CSMD1: variants seen among roughly 807,000 people sequenced by gnomAD.
CSMD1 encodes CUB and sushi domain-containing protein 1.
Under a neutral mutation model 417.5 loss-of-function variants are expected in CSMD1, and 213 were observed. That is an observed-to-expected ratio of 0.51 (90% CI 0.46 to 0.57). The LOEUF (loss-of-function observed/expected upper bound fraction) is 0.57, where lower values mean the gene tolerates loss of function less well. CSMD1 is among the 20% of genes least tolerant of loss of function. The probability of loss-of-function intolerance (pLI) is 0.00; values close to 1 mark genes in which losing one functional copy is unlikely to be tolerated. For missense variants in CSMD1, 6,923 were observed against 4,529.7 expected (o/e 1.53, Z -15.17); for synonymous variants, 2,862 against 1,736.8 (o/e 1.65, Z -16.11).
At chr8:4,355,705 G>T (rs551220586) in intron 3 of CSMD1, among the ~76,000 whole-genome samples, 1 of 152,172 alleles carries the variant, frequency 6.6e-6, no homozygotes, top group East Asian at 1.9e-4. Flanking sequence ...CCCACTCCAA[G>T]TTAAGGGTCC....
chr8:4,806,331 C>A (rs888217372), intron 1 of CSMD1, among the ~76,000 whole-genome samples: 4 of 152,168 alleles, frequency 2.6e-5, no homozygotes, highest in African/African-American at 9.7e-5. Flanking sequence ...AGATGGGAGG[C>A]TGGCTCTGTC....
chr8:4,546,850 T>C (rs1011089322), intron 2 of CSMD1, among the ~76,000 whole-genome samples: 2 of 152,044 alleles, frequency 1.3e-5, no homozygotes, highest in Admixed American at 1.3e-4. Flanking sequence ...AACATATGCA[T>C]ATATATGTAT....
At chr8:3,410,317 G>A (rs1563358985) in intron 12 of CSMD1, among the ~76,000 whole-genome samples, 1 of 152,242 alleles carries the variant, frequency 6.6e-6, no homozygotes, top group East Asian at 1.9e-4. Context: ...CTAGGTAAGG[G>A]CTTAGTGAAT....
chr8:4,371,245 G>C (rs1802377558), intron 3 of CSMD1, among the ~76,000 whole-genome samples: 1 of 152,168 alleles, frequency 6.6e-6, no homozygotes, highest in South Asian at 2.1e-4. Flanking sequence ...ATTAGGACCA[G>C]GTCAGCAGTT....
chr8:4,979,997 A>G (rs560857417), intron 1 of CSMD1, among the ~76,000 whole-genome samples: 3 of 152,236 alleles, frequency 2.0e-5, no homozygotes, highest in Non-Finnish European at 4.4e-5. Flanking sequence ...AAGATAGTGC[A>G]CTGCACTCCA....
intron 2 of CSMD1, among the ~76,000 whole-genome samples, chr8:4,473,695 T>C (rs1800652459): frequency 6.6e-6 from 1 of 152,180 alleles, no homozygotes; most frequent in Non-Finnish European, 1.5e-5. Flanking sequence ...CAAAATTAAA[T>C]GATGTAAGGT....
chr8:4,459,597 A>T (rs1437871776), intron 2 of CSMD1, among the ~76,000 whole-genome samples: 1 of 152,188 alleles, frequency 6.6e-6, no homozygotes, highest in Non-Finnish European at 1.5e-5. Flanking sequence ...CTAAGATAAT[A>T]AGAGACAGAG....
intron 3 of CSMD1, among the ~76,000 whole-genome samples, chr8:4,151,985 G>A (rs1280634211): frequency 2.0e-5 from 3 of 152,010 alleles, no homozygotes; most frequent in African/African-American, 4.8e-5. Context: ...TCCTGCTTGT[G>A]GTTTGCTAGG....
intron 3 of CSMD1, among the ~76,000 whole-genome samples, chr8:4,061,666 G>C (rs538423476): frequency 1.1e-4 from 17 of 152,248 alleles, no homozygotes; most frequent in Admixed American, 7.2e-4. Flanking sequence ...AGACTGTTTC[G>C]TGATGGTGTG....
intron 5 of CSMD1, among the ~76,000 whole-genome samples, chr8:3,875,537 G>T (rs1243380189): frequency 1.3e-5 from 2 of 152,136 alleles, no homozygotes; most frequent in African/African-American, 2.4e-5. Flanking sequence ...CGGCATGGAA[G>T]AAGGAAAGCA....
intron 22 of CSMD1, among the ~76,000 whole-genome samples, chr8:3,345,282 T>C (rs573275194): frequency 2.4e-4 from 36 of 152,214 alleles, no homozygotes; most frequent in African/African-American, 7.2e-4. Flanking sequence ...GGCTTCATGG[T>C]TACAACCACT....
chr8:4,012,832 C>T (rs926616749), intron 4 of CSMD1, among the ~76,000 whole-genome samples: 5 of 152,124 alleles, frequency 3.3e-5, no homozygotes, highest in African/African-American at 4.8e-5. Context: ...TCCAGTGTTG[C>T]ACGAGAAGAC....
At chr8:3,470,716 C>G (rs1485760904) in intron 11 of CSMD1, among the ~76,000 whole-genome samples, 4 of 152,116 alleles carry the variant, frequency 2.6e-5, no homozygotes, top group Non-Finnish European at 5.9e-5. Flanking sequence ...CTGGCAACCA[C>G]TAATCAGTAT....
At chr8:4,402,737 A>C (rs1563136530) in intron 3 of CSMD1, among the ~76,000 whole-genome samples, 1 of 150,782 alleles carries the variant, frequency 6.6e-6, no homozygotes, top group Non-Finnish European at 1.5e-5. Flanking sequence ...ACCTCATTCA[A>C]CTACCTCTTT....
At chr8:3,845,062 T>A (rs947197402) in intron 5 of CSMD1, among the ~76,000 whole-genome samples, 2 of 152,200 alleles carry the variant, frequency 1.3e-5, no homozygotes, top group Admixed American at 1.3e-4. Flanking sequence ...GTGATTAGAC[T>A]TTCATATTAT....
chr8:4,330,802 C>G (rs1585246309), intron 3 of CSMD1, among the ~76,000 whole-genome samples: 1 of 152,108 alleles, frequency 6.6e-6, no homozygotes, highest in African/African-American at 2.4e-5. Context: ...TATCTATCTT[C>G]TGAAGCACTG....
At chr8:3,607,744 T>C (rs919978382) in intron 8 of CSMD1, among the ~76,000 whole-genome samples, 3 of 152,214 alleles carry the variant, frequency 2.0e-5, no homozygotes, top group African/African-American at 4.8e-5. Context: ...GTTTTGCCTA[T>C]TAAAGCCCCT....
At chr8:3,965,450 C>G (rs2554505) in intron 5 of CSMD1, among the ~76,000 whole-genome samples, 56,830 of 151,914 alleles carry the variant, frequency 0.37, 10,724 homozygotes, top group East Asian at 0.5. Flanking sequence ...AATGTTTATG[C>G]GTAGAATTCT....
At chr8:4,032,583 A>G (rs909095235) in intron 3 of CSMD1, among the ~76,000 whole-genome samples, 1 of 152,214 alleles carries the variant, frequency 6.6e-6, no homozygotes, top group East Asian at 1.9e-4. Flanking sequence ...CCCAACGCTC[A>G]ATCAACATTT....
Sources: gnomAD v4.1 joint callset for allele counts (sites outside exome capture counted in the v4.1 genomes callset) on GRCh38, gnomAD v4.1.1 for gene constraint, MANE v1.5 for transcripts, NCBI Gene and HGNC (gene_info 2026-07-23, HGNC 2026-07-21) for gene names.